Variants in FAT3 observed in about 807,000 individuals in gnomAD.
The protein encoded by FAT3 is protocadherin Fat 3.
Under a neutral mutation model 310.2 loss-of-function variants are expected in FAT3, and 95 were observed. The ratio of observed to expected loss-of-function variants is 0.31; its 90% CI spans 0.26 to 0.36. The LOEUF is 0.36. FAT3 is among the 10% of genes least tolerant of loss of function. The probability of loss-of-function intolerance (pLI) is 1.00; values close to 1 mark genes in which losing one functional copy is unlikely to be tolerated. For missense variants in FAT3, 5,408 were observed against 5,715.6 expected (o/e 0.95, Z 1.74); for synonymous variants, 2,314 against 2,192.9 (o/e 1.06, Z -1.54).
chr11:92,604,577 TG>T (rs1309816894), intron 3 of FAT3, among the ~76,000 whole-genome samples: 2 of 152,228 alleles, frequency 1.3e-5, no homozygotes, highest in Non-Finnish European at 2.9e-5. Flanking sequence ...ATGGGTATTT[TG>T]GCACTCACTG....
At chr11:92,540,086 A>G (rs539324534) in intron 3 of FAT3, among the ~76,000 whole-genome samples, 1 of 152,254 alleles carries the variant, frequency 6.6e-6, no homozygotes, top group South Asian at 2.1e-4. Flanking sequence ...ATTGTCTAGG[A>G]TATCTAGTGC....
At chr11:92,567,118 A>T (rs1955487138) in intron 3 of FAT3, among the ~76,000 whole-genome samples, 1 of 152,074 alleles carries the variant, frequency 6.6e-6, no homozygotes, top group African/African-American at 2.4e-5. Context: ...AAATAGGAGA[A>T]AATTTTCACA....
rs373780453 is a variant in FAT3, at chr11:92,790,199, A to G, written c.4592A>G (p.Lys1531Arg). The change falls in exon 8 of 28, where the codon AAG becomes AGG. Residue 1531 changes from lysine (K) to arginine (R), a missense_variant. Coordinates refer to ENST00000525166, the MANE Select transcript of FAT3 (RefSeq NM_001367949.2). Reference protein sequence around the residue: ...AERLDHEAQDKHILNIMVRDQ... With the variant: ...AERLDHEAQDRHILNIMVRDQ... ...AGGCTGGACCATGAGGCCCAGGACA[A>G]GCACATTCTCAACATAATGGTAGGA... 76 of 1,613,658 alleles carry G rather than the reference A, an allele frequency of 4.7e-5. No homozygotes were observed. The African/African-American group carries it at 8.5e-4, about 18-fold the overall frequency.
At chr11:92,363,342 A>G (rs1053561889) in intron 2 of FAT3, among the ~76,000 whole-genome samples, 10 of 152,346 alleles carry the variant, frequency 6.6e-5, no homozygotes, top group African/African-American at 2.4e-4. Flanking sequence ...GCTCTTTGTC[A>G]TTGAAGAAAC....
intron 3 of FAT3, among the ~76,000 whole-genome samples, chr11:92,557,147 C>T (rs1202139330): frequency 6.6e-6 from 1 of 151,894 alleles, no homozygotes; most frequent in Non-Finnish European, 1.5e-5. Flanking sequence ...AGCCCCTCCT[C>T]CATCTTCACC....
chr11:92,678,041 A>C (rs1250669929), intron 3 of FAT3, among the ~76,000 whole-genome samples: 1 of 152,186 alleles, frequency 6.6e-6, no homozygotes, highest in Non-Finnish European at 1.5e-5. Flanking sequence ...GTGAAGTTAC[A>C]AAGTTCGCTT....
At chr11:92,845,209 G>A (rs1948656284) in intron 19 of FAT3, among the ~76,000 whole-genome samples, 1 of 152,218 alleles carries the variant, frequency 6.6e-6, no homozygotes, top group African/African-American at 2.4e-5. Flanking sequence ...CTTGAGAGCA[G>A]GCCCAGTCAT....
At chr11:92,397,385 T>A (rs575626576) in intron 2 of FAT3, among the ~76,000 whole-genome samples, 1 of 152,214 alleles carries the variant, frequency 6.6e-6, no homozygotes, top group Non-Finnish European at 1.5e-5. Flanking sequence ...TGCCATCTGC[T>A]GTCAGCAGCG....
At chr11:92,795,738 C>T (rs910668665) in intron 9 of FAT3, among the ~76,000 whole-genome samples, 1 of 152,006 alleles carries the variant, frequency 6.6e-6, no homozygotes, top group Non-Finnish European at 1.5e-5. Context: ...TGGCAAAACC[C>T]CGTCTCTACA....
chr11:92,720,085 C>T (rs768759652), intron 4 of FAT3, among the ~76,000 whole-genome samples: 12 of 151,984 alleles, frequency 7.9e-5, no homozygotes, highest in African/African-American at 2.9e-4. Context: ...CATTTATGAC[C>T]GGAACTCATA....
chr11:92,469,021 A>T (rs1471120488), intron 2 of FAT3, among the ~76,000 whole-genome samples: 1 of 152,192 alleles, frequency 6.6e-6, no homozygotes, highest in Non-Finnish European at 1.5e-5. Context: ...TCATTTTCAA[A>T]TGTATTCTGA....
At chr11:92,508,944 G>A (rs1355806069) in intron 2 of FAT3, among the ~76,000 whole-genome samples, 1 of 152,120 alleles carries the variant, frequency 6.6e-6, no homozygotes, top group East Asian at 1.9e-4. Flanking sequence ...TTTCAAGGCT[G>A]AAGAATTCAA....
At chr11:92,840,464 GA>G in intron 17 of FAT3, 97 bp from the exon 18 acceptor site, 1 of 1,176,202 alleles carries the variant, frequency 8.5e-7, no homozygotes, top group Admixed American at 2.8e-5. Flanking sequence ...CTCTCAGCCT[GA>G]AATGATGGTA....
At chr11:92,846,063 C>A (rs894303983) in intron 19 of FAT3, among the ~76,000 whole-genome samples, 1 of 152,172 alleles carries the variant, frequency 6.6e-6, no homozygotes, top group Non-Finnish European at 1.5e-5. Flanking sequence ...TGGCAGATGT[C>A]ACCAACATGC....
At chr11:92,552,725 G>C (rs1418799083) in intron 3 of FAT3, among the ~76,000 whole-genome samples, 3 of 151,874 alleles carry the variant, frequency 2.0e-5, no homozygotes, top group Non-Finnish European at 2.9e-5. Context: ...TTTATGTTTA[G>C]CACTATCTAA....
chr11:92,823,085 T>G (rs1413429226), intron 13 of FAT3, among the ~76,000 whole-genome samples: 2 of 152,190 alleles, frequency 1.3e-5, no homozygotes, highest in East Asian at 3.9e-4. Context: ...GAGAGCCGTT[T>G]GAGAGCACAT....
At chr11:92,547,206 A>G (rs2135426700) in intron 3 of FAT3, among the ~76,000 whole-genome samples, 1 of 152,288 alleles carries the variant, frequency 6.6e-6, no homozygotes, top group Admixed American at 6.5e-5. Flanking sequence ...CCCTGCCTAA[A>G]AGGGGGCAGC....
chr11:92,624,540 C>T (rs892260604), intron 3 of FAT3, among the ~76,000 whole-genome samples: 3 of 152,062 alleles, frequency 2.0e-5, no homozygotes, highest in African/African-American at 7.2e-5. Context: ...TGGCAGGTGG[C>T]GAAATTCAAG....
intron 13 of FAT3, among the ~76,000 whole-genome samples, chr11:92,830,171 A>G (rs148540003): frequency 1.4e-4 from 21 of 152,318 alleles, no homozygotes; most frequent in African/African-American, 4.1e-4. Context: ...AGCTGTTACA[A>G]TTTACTTCTT....
Sources: allele counts gnomAD v4.1 joint callset (sites outside exome capture counted in the v4.1 genomes callset), GRCh38; gene constraint gnomAD v4.1.1; transcripts MANE v1.5; gene names NCBI Gene and HGNC (gene_info 2026-07-23, HGNC 2026-07-21).